Variants in LRRC4C observed in about 807,000 individuals in gnomAD.
LRRC4C encodes the protein leucine-rich repeat-containing protein 4C.
Under a neutral mutation model 33.6 loss-of-function variants are expected in LRRC4C, and 5 were observed. The observed-to-expected ratio is 0.15, with a 90% CI of 0.08 to 0.31. LRRC4C has a LOEUF of 0.31. LRRC4C is among the 10% of genes least tolerant of loss of function. The pLI, the probability that LRRC4C is intolerant of heterozygous loss-of-function variation, is 1.00. For synonymous variants in LRRC4C, 329 were observed against 302.0 expected (o/e 1.09, Z -0.93); for missense variants, 560 against 796.7 (o/e 0.70, Z 3.58).
chr11:41,105,933 T>A (rs1167073627), intron 1 of LRRC4C, among the ~76,000 whole-genome samples: 2 of 152,138 alleles, frequency 1.3e-5, no homozygotes, highest in Non-Finnish European at 2.9e-5. Flanking sequence ...TCTCTTTTTA[T>A]CAAGTACTGA....
intron 1 of LRRC4C, among the ~76,000 whole-genome samples, chr11:41,450,690 G>A (rs1005440646): frequency 1.3e-5 from 2 of 152,110 alleles, no homozygotes; most frequent in African/African-American, 4.8e-5. Flanking sequence ...TTAAATGTGT[G>A]ACAGCTATTG....
intron 4 of LRRC4C, among the ~76,000 whole-genome samples, chr11:40,269,507 A>G (rs1942528276): frequency 6.6e-6 from 1 of 152,102 alleles, no homozygotes; most frequent in Non-Finnish European, 1.5e-5. Flanking sequence ...GCACCTAACC[A>G]TGACTAGGAT....
At chr11:40,741,591 C>T (rs1048330813) in intron 2 of LRRC4C, among the ~76,000 whole-genome samples, 6 of 152,038 alleles carry the variant, frequency 3.9e-5, no homozygotes, top group African/African-American at 1.4e-4. Flanking sequence ...TTAAAAGTCA[C>T]CTTCTTACAG....
intron 3 of LRRC4C, among the ~76,000 whole-genome samples, chr11:40,630,961 G>A (rs533349754): frequency 1.3e-5 from 2 of 152,142 alleles, no homozygotes; most frequent in Non-Finnish European, 2.9e-5. Flanking sequence ...AAATGTAAAA[G>A]AAATTTTATT....
chr11:41,390,593 T>C (rs935539241), intron 1 of LRRC4C, among the ~76,000 whole-genome samples: 3 of 151,908 alleles, frequency 2.0e-5, no homozygotes, highest in Non-Finnish European at 4.4e-5. Flanking sequence ...TTTCCCTTTC[T>C]TCCTGTAGCA....
intron 3 of LRRC4C, among the ~76,000 whole-genome samples, chr11:40,376,456 A>G (rs955800165): frequency 2.6e-5 from 4 of 152,240 alleles, no homozygotes; most frequent in Non-Finnish European, 5.9e-5. Flanking sequence ...AACCAGAGAG[A>G]AATGTACTCC....
intron 5 of LRRC4C, among the ~76,000 whole-genome samples, chr11:40,198,274 A>G (rs1472691683): frequency 6.6e-6 from 1 of 152,160 alleles, no homozygotes; most frequent in African/African-American, 2.4e-5. Flanking sequence ...GTACCCACTT[A>G]TGTACCGTAA....
intron 3 of LRRC4C, among the ~76,000 whole-genome samples, chr11:40,640,605 A>G (rs936353411): frequency 4.6e-5 from 7 of 152,106 alleles, no homozygotes; most frequent in African/African-American, 1.7e-4. Flanking sequence ...ATTGTTTTTT[A>G]TTTCTAAGTT....
intron 1 of LRRC4C, among the ~76,000 whole-genome samples, chr11:41,431,460 A>C (rs1473400042): frequency 6.6e-6 from 1 of 152,030 alleles, no homozygotes; most frequent in East Asian, 1.9e-4. Flanking sequence ...GTATAATGTG[A>C]TCAACAACTG....
At position 40,314,877 on chromosome 11, in the gene LRRC4C, C is replaced by T. The variant is rs186525367; in HGVS notation, c.-176+4751G>A. Among the ~76,000 whole-genome samples the T allele has an allele frequency of 4.1e-4, 63 of 151,870 alleles. No individual in the cohort carries two copies. The East Asian group carries it at 0.01, about 25-fold the overall frequency. ...GATCTCATAATAGTAAAAAGTAGAA[C>T]AGAAGATAGTAGAGTCTGGGAAGTG... On this transcript the variant is annotated intron_variant, in intron 4 of 6. Transcript: ENST00000528697.
intron 4 of LRRC4C, among the ~76,000 whole-genome samples, chr11:40,310,754 AT>A (rs141895375): frequency 0.039 from 5,962 of 152,266 alleles, 157 homozygotes; most frequent in South Asian, 0.047. Context: ...TGCTGACTGT[AT>A]GCTGGTTTGA....
At chr11:40,122,156 A>G (rs1010139696) in intron 6 of LRRC4C, among the ~76,000 whole-genome samples, 1 of 152,158 alleles carries the variant, frequency 6.6e-6, no homozygotes, top group African/African-American at 2.4e-5. Context: ...GTTTTCTTCA[A>G]TCCTGAATTG....
At chr11:41,117,010 G>C (rs1304124448) in intron 1 of LRRC4C, among the ~76,000 whole-genome samples, 2 of 148,374 alleles carry the variant, frequency 1.3e-5, no homozygotes, top group African/African-American at 4.9e-5. Context: ...CTGGCATCAG[G>C]CTTTGCTTTG....
chr11:40,223,555 A>G (rs2135944978), intron 5 of LRRC4C, among the ~76,000 whole-genome samples: 1 of 152,286 alleles, frequency 6.6e-6, no homozygotes, highest in African/African-American at 2.4e-5. Context: ...TTTGCAATTT[A>G]TTTTTAGGCC....
At chr11:40,827,771 C>A (rs187275389) in intron 2 of LRRC4C, among the ~76,000 whole-genome samples, 1 of 151,734 alleles carries the variant, frequency 6.6e-6, no homozygotes, top group East Asian at 1.9e-4. Flanking sequence ...AATATATAAT[C>A]ATTAATTCTC....
intron 3 of LRRC4C, among the ~76,000 whole-genome samples, chr11:40,528,469 T>G (rs966939249): frequency 6.6e-6 from 1 of 151,740 alleles, no homozygotes; most frequent in Non-Finnish European, 1.5e-5. Context: ...GCTATTACGA[T>G]GTCTTTTATA....
chr11:40,333,864 G>GT (rs1946477915), intron 3 of LRRC4C, among the ~76,000 whole-genome samples: 1 of 151,598 alleles, frequency 6.6e-6, no homozygotes, highest in African/African-American at 2.4e-5. Context: ...TAAGCGATAT[G>GT]TTTTTTGTTG....
chr11:40,820,393 G>C (rs1236491717), intron 2 of LRRC4C, among the ~76,000 whole-genome samples: 1 of 151,946 alleles, frequency 6.6e-6, no homozygotes, highest in African/African-American at 2.4e-5. Flanking sequence ...ATGTAGTAGA[G>C]ATGTTTCACA....
chr11:40,266,458 C>A (rs1942268067), intron 4 of LRRC4C, among the ~76,000 whole-genome samples: 1 of 152,092 alleles, frequency 6.6e-6, no homozygotes, highest in South Asian at 2.1e-4. Flanking sequence ...CAGAGTGAGA[C>A]CCTGTCTCAA....
Sources: allele counts gnomAD v4.1 joint callset (sites outside exome capture counted in the v4.1 genomes callset), GRCh38; gene constraint gnomAD v4.1.1; transcripts MANE v1.5; gene names NCBI Gene and HGNC (gene_info 2026-07-23, HGNC 2026-07-21).